Variants in SYT16 observed in about 807,000 individuals in gnomAD.
SYT16 encodes synaptotagmin 16, also known as synaptotagmin-16.
In SYT16, 42 loss-of-function variants were observed where a neutral mutation model predicts 61.4. The observed-to-expected ratio is 0.68, with a 90% CI of 0.53 to 0.89. The LOEUF (loss-of-function observed/expected upper bound fraction) is 0.89, where lower values mean the gene tolerates loss of function less well. Ranked by LOEUF, SYT16 falls within the 40% of genes least tolerant of loss-of-function variation. The pLI is 0.00. For missense variants in SYT16, 804 were observed against 807.3 expected (o/e 1.00, Z 0.05); for synonymous variants, 314 against 302.3 (o/e 1.04, Z -0.40).
intron 3 of SYT16, among the ~76,000 whole-genome samples, chr14:62,055,737 G>T (rs941614029): frequency 3.3e-5 from 5 of 152,150 alleles, no homozygotes; most frequent in African/African-American, 1.2e-4. Context: ...ATTAGTCAGG[G>T]TCCTCTAGAG....
intron 1 of SYT16, among the ~76,000 whole-genome samples, chr14:61,864,202 C>T (rs1566635640): frequency 1.3e-5 from 2 of 152,226 alleles, no homozygotes; most frequent in East Asian, 3.8e-4. Context: ...ATGAATAAAA[C>T]TATTACGACC....
chr14:61,854,611 T>A (rs1210597781), intron 1 of SYT16, among the ~76,000 whole-genome samples: 2 of 152,348 alleles, frequency 1.3e-5, no homozygotes, highest in East Asian at 1.9e-4. Context: ...TGGGAGTCCT[T>A]CTTGTGCATT....
At chr14:61,929,534 C>T (rs1186196011) in intron 1 of SYT16, among the ~76,000 whole-genome samples, 1 of 152,178 alleles carries the variant, frequency 6.6e-6, no homozygotes, top group Non-Finnish European at 1.5e-5. Context: ...CTTGTTTAAG[C>T]AGTAGTTGGG....
intron 1 of SYT16, among the ~76,000 whole-genome samples, chr14:61,825,749 C>G (rs1429120761): frequency 1.3e-5 from 2 of 152,062 alleles, no homozygotes; most frequent in African/African-American, 2.4e-5. Context: ...CACAAAACTT[C>G]TAAATAAAGA....
At chr14:62,093,103 A>C (rs2057147158) in intron 7 of SYT16, among the ~76,000 whole-genome samples, 1 of 152,096 alleles carries the variant, frequency 6.6e-6, no homozygotes. Context: ...CCTTCTGCTC[A>C]ATTTTGTTAA....
intron 3 of SYT16, among the ~76,000 whole-genome samples, chr14:62,034,842 T>C (rs1239866853): frequency 1.3e-5 from 2 of 152,146 alleles, no homozygotes; most frequent in African/African-American, 4.8e-5. Flanking sequence ...TTAAAATTGG[T>C]GAATTGTTAT....
intron 7 of SYT16, among the ~76,000 whole-genome samples, chr14:62,093,419 A>G (rs1238164243): frequency 6.6e-6 from 1 of 152,076 alleles, no homozygotes; most frequent in Non-Finnish European, 1.5e-5. Flanking sequence ...AAAAATTGCT[A>G]TGTAAAAGAT....
intron 3 of SYT16, among the ~76,000 whole-genome samples, chr14:62,025,891 CAAT>C (rs971862872): frequency 3.3e-5 from 5 of 151,160 alleles, no homozygotes; most frequent in African/African-American, 1.2e-4. Flanking sequence ...AAAAAAAAAA[CAAT>C]AAAATATTTC....
intron 1 of SYT16, among the ~76,000 whole-genome samples, chr14:61,918,504 G>T (rs1223022920): frequency 6.6e-6 from 1 of 152,092 alleles, no homozygotes; most frequent in East Asian, 1.9e-4. Flanking sequence ...GGGAATAAAT[G>T]ATGGTATATT....
chr14:61,888,084 G>A (rs2047977143), intron 1 of SYT16, among the ~76,000 whole-genome samples: 1 of 150,848 alleles, frequency 6.6e-6, no homozygotes, highest in Non-Finnish European at 1.5e-5. Flanking sequence ...ACACTTACAG[G>A]CCATTGTAAG....
chr14:62,001,118 A>T (rs1003095739), intron 3 of SYT16, among the ~76,000 whole-genome samples: 6 of 152,054 alleles, frequency 3.9e-5, no homozygotes, highest in East Asian at 3.9e-4. Flanking sequence ...AGATAAAAAG[A>T]TTATATTTAC....
intron 1 of SYT16, among the ~76,000 whole-genome samples, chr14:61,950,349 G>C (rs1484610910): frequency 6.6e-6 from 1 of 152,190 alleles, no homozygotes; most frequent in Non-Finnish European, 1.5e-5. Context: ...GCCTGTAGTA[G>C]TTGTGTTTTC....
intron 3 of SYT16, among the ~76,000 whole-genome samples, chr14:62,007,304 C>G (rs2053262864): frequency 6.6e-6 from 1 of 152,090 alleles, no homozygotes; most frequent in Admixed American, 6.5e-5. Context: ...TGAAAGTAAG[C>G]CTACACCTAG....
At chr14:62,049,076 T>C (rs1197599735) in intron 3 of SYT16, among the ~76,000 whole-genome samples, 1 of 152,118 alleles carries the variant, frequency 6.6e-6, no homozygotes, top group Admixed American at 6.5e-5. Context: ...GACAGTGGGG[T>C]GTTAAAGTCT....
At chr14:62,038,930 C>T (rs1027607506) in intron 3 of SYT16, among the ~76,000 whole-genome samples, 1 of 152,152 alleles carries the variant, frequency 6.6e-6, no homozygotes, top group Admixed American at 6.6e-5. Context: ...TTTGTGCCTA[C>T]AAAGTGTTTC....
At chr14:61,907,934 T>C (rs917988070) in intron 1 of SYT16, among the ~76,000 whole-genome samples, 1 of 152,250 alleles carries the variant, frequency 6.6e-6, no homozygotes, top group Non-Finnish European at 1.5e-5. Flanking sequence ...ACAGGATCTT[T>C]AGGACCATAT....
intron 2 of SYT16, among the ~76,000 whole-genome samples, chr14:61,989,758 G>T (rs1868133377): frequency 6.6e-6 from 1 of 152,102 alleles, no homozygotes; most frequent in African/African-American, 2.4e-5. Context: ...GCCTTGTTTT[G>T]TATGATTCTA....
At chr14:61,855,122 A>T (rs2046734908) in intron 1 of SYT16, among the ~76,000 whole-genome samples, 1 of 152,212 alleles carries the variant, frequency 6.6e-6, no homozygotes, top group African/African-American at 2.4e-5. Context: ...TCATTCATTA[A>T]CTACAAATCA....
rs2057583322 is a variant in SYT16 at position 62,110,205 on chromosome 14, T to A, written c.*9498T>A. ...AGTTGATGAGGCCTGTGTTCTGATA[T>A]CAAATCTTCCACTAATGAGCTCTAA... On this transcript the variant is annotated 3_prime_UTR_variant, in exon 8 of 8. Transcript: ENST00000683842. 3 of 152,192 alleles carry A rather than the reference T, an allele frequency of 2.0e-5. No individual in the cohort carries two copies. The highest frequency in any genetic ancestry group is 2.0e-4 in the Admixed American group (3 of 15,272). The allele number at this position is 152,192 out of a possible 1,614,324, so 9.4% of individuals were successfully genotyped here.
Sources: allele counts gnomAD v4.1 joint callset (sites outside exome capture counted in the v4.1 genomes callset), GRCh38; gene constraint gnomAD v4.1.1; transcripts MANE v1.5; gene names NCBI Gene and HGNC (gene_info 2026-07-23, HGNC 2026-07-21).